The following THSD7B variants were observed in gnomAD, a reference collection of about 807,000 sequenced individuals.
The protein encoded by THSD7B is thrombospondin type-1 domain-containing protein 7B.
THSD7B carries 138 observed loss-of-function variants against 213.6 expected under a neutral mutation model. The observed-to-expected ratio is 0.65, with a 90% CI of 0.56 to 0.74. The LOEUF (loss-of-function observed/expected upper bound fraction) is 0.74. Among genes scored for constraint, THSD7B ranks in the 30% least tolerant of loss-of-function variants. The probability of loss-of-function intolerance (pLI) is 0.00; values close to 1 mark genes in which losing one functional copy is unlikely to be tolerated. For synonymous variants in THSD7B, 742 were observed against 687.0 expected (o/e 1.08, Z -1.25); for missense variants, 1,931 against 1,991.5 (o/e 0.97, Z 0.58).
intron 2 of THSD7B, among the ~76,000 whole-genome samples, chr2:137,041,185 G>A (rs1686876067): frequency 1.3e-5 from 2 of 152,124 alleles, no homozygotes; most frequent in Non-Finnish European, 1.5e-5. Flanking sequence ...TCTCTGCGTG[G>A]ATAAAAAACT....
intron 12 of THSD7B, among the ~76,000 whole-genome samples, chr2:137,376,991 A>G (rs557460108): frequency 2.0e-5 from 3 of 152,352 alleles, no homozygotes; most frequent in East Asian, 3.9e-4. Flanking sequence ...GGGGAGTTAG[A>G]TGATTTCTTA....
intron 17 of THSD7B, among the ~76,000 whole-genome samples, chr2:137,583,101 C>A (rs1489114413): frequency 6.6e-6 from 1 of 152,190 alleles, no homozygotes; most frequent in African/African-American, 2.4e-5. Flanking sequence ...GGATGATGAG[C>A]ATTTTTTCAT....
At chr2:136,892,180 A>G (rs1683873075) in intron 2 of THSD7B, among the ~76,000 whole-genome samples, 2 of 152,140 alleles carry the variant, frequency 1.3e-5, no homozygotes, top group South Asian at 2.1e-4. Flanking sequence ...CCTGAGGGCC[A>G]TGCATGGTCA....
At chr2:136,823,649 A>G (rs1368810017) in intron 1 of THSD7B, among the ~76,000 whole-genome samples, 1 of 152,052 alleles carries the variant, frequency 6.6e-6, no homozygotes, top group Non-Finnish European at 1.5e-5. Context: ...ATCTCATTTT[A>G]GCCAATTTAT....
chr2:137,515,149 G>T (rs1680043508), intron 15 of THSD7B, among the ~76,000 whole-genome samples: 1 of 152,150 alleles, frequency 6.6e-6, no homozygotes, highest in African/African-American at 2.4e-5. Flanking sequence ...GACTGGAAAA[G>T]AATAGGACCC....
intron 1 of THSD7B, among the ~76,000 whole-genome samples, chr2:136,802,919 A>T (rs1682215110): frequency 6.6e-6 from 1 of 151,802 alleles, no homozygotes; most frequent in Non-Finnish European, 1.5e-5. Context: ...TATGCTACGA[A>T]ACATTTTGCC....
intron 2 of THSD7B, among the ~76,000 whole-genome samples, chr2:136,934,882 T>G (rs1394752771): frequency 6.6e-6 from 1 of 152,188 alleles, no homozygotes; most frequent in African/African-American, 2.4e-5. Flanking sequence ...TTTACAAAAG[T>G]GCTAAATCAT....
intron 12 of THSD7B, among the ~76,000 whole-genome samples, chr2:137,288,974 C>A (rs1683252238): frequency 1.3e-5 from 2 of 152,036 alleles, no homozygotes; most frequent in Non-Finnish European, 2.9e-5. Flanking sequence ...GTTCCACTTG[C>A]TACTTGAGTG....
intron 21 of THSD7B, among the ~76,000 whole-genome samples, chr2:137,653,478 TG>T (rs976372839): frequency 6.6e-5 from 10 of 152,132 alleles, no homozygotes; most frequent in African/African-American, 2.4e-4. Flanking sequence ...TCCCAAGTTT[TG>T]GAAAGTTTTC....
intron 17 of THSD7B, among the ~76,000 whole-genome samples, chr2:137,588,817 C>T (rs1251064950): frequency 2.0e-5 from 3 of 150,492 alleles, no homozygotes; most frequent in Non-Finnish European, 3.0e-5. Flanking sequence ...TGGAGTTTTG[C>T]TCTTGTTGCT....
chr2:137,241,958 A>G (rs1194725194), intron 9 of THSD7B, among the ~76,000 whole-genome samples: 1 of 151,942 alleles, frequency 6.6e-6, no homozygotes, highest in African/African-American at 2.4e-5. Flanking sequence ...TCATCATTTA[A>G]GTAGTCTAGA....
chr2:137,333,680 G>A (rs889877666), intron 12 of THSD7B, among the ~76,000 whole-genome samples: 1 of 152,212 alleles, frequency 6.6e-6, no homozygotes, highest in Non-Finnish European at 1.5e-5. Context: ...GAATTTGTGT[G>A]ATTAGTGGAT....
chr2:137,355,825 G>A (rs571017840), intron 12 of THSD7B, among the ~76,000 whole-genome samples: 1 of 152,184 alleles, frequency 6.6e-6, no homozygotes, highest in Non-Finnish European at 1.5e-5. Context: ...GGTCACAGAA[G>A]CCAACTGTAG....
At chr2:136,893,898 A>T (rs2105004571) in intron 2 of THSD7B, among the ~76,000 whole-genome samples, 1 of 152,270 alleles carries the variant, frequency 6.6e-6, no homozygotes, top group East Asian at 1.9e-4. Flanking sequence ...ATTAAAGCTT[A>T]TTTTCTTAGC....
At chr2:137,218,696 T>C (rs566022252) in intron 7 of THSD7B, among the ~76,000 whole-genome samples, 1 of 152,258 alleles carries the variant, frequency 6.6e-6, no homozygotes, top group Admixed American at 6.5e-5. Flanking sequence ...TTACATAAAT[T>C]TCCAACTGAT....
intron 7 of THSD7B, among the ~76,000 whole-genome samples, chr2:137,207,426 C>T (rs910647072): frequency 6.6e-6 from 1 of 152,022 alleles, no homozygotes; most frequent in Non-Finnish European, 1.5e-5. Flanking sequence ...AGCAGTTAAT[C>T]AAGAACTACT....
intron 15 of THSD7B, among the ~76,000 whole-genome samples, chr2:137,490,798 A>G (rs1688589227): frequency 6.6e-6 from 1 of 152,242 alleles, no homozygotes; most frequent in South Asian, 2.1e-4. Flanking sequence ...CATAGTCTAG[A>G]AAGTCCATAA....
chr2:136,803,175 A>G (rs1682220261), intron 1 of THSD7B, among the ~76,000 whole-genome samples: 1 of 152,088 alleles, frequency 6.6e-6, no homozygotes, highest in South Asian at 2.1e-4. Context: ...ACATGCACAT[A>G]TATATAAGAC....
intron 3 of THSD7B, among the ~76,000 whole-genome samples, chr2:137,065,692 T>C (rs1687361887): frequency 6.6e-6 from 1 of 152,034 alleles, no homozygotes; most frequent in Non-Finnish European, 1.5e-5. Flanking sequence ...TTTCTTAGCA[T>C]ATCAGTTATA....
Sources: gnomAD v4.1 joint callset for allele counts (sites outside exome capture counted in the v4.1 genomes callset) on GRCh38, gnomAD v4.1.1 for gene constraint, MANE v1.5 for transcripts, NCBI Gene and HGNC (gene_info 2026-07-23, HGNC 2026-07-21) for gene names.